The following ACYP2 variants were observed in gnomAD, a reference collection of about 807,000 sequenced individuals.
ACYP2 encodes acylphosphatase-2.
Under a neutral mutation model 11.2 loss-of-function variants are expected in ACYP2, and 12 were observed. That is an observed-to-expected ratio of 1.08 (90% CI 0.69 to 1.74). ACYP2 has a LOEUF of 1.74. ACYP2 is among the 40% of genes most tolerant of loss of function. The pLI is 0.00. For synonymous variants in ACYP2, 43 were observed against 32.2 expected, an observed-to-expected ratio of 1.33 and a Z score of -1.13; for missense variants, 134 against 101.9, an observed-to-expected ratio of 1.31 and a Z score of -1.35.
At chr2:54,190,932 C>G (rs2103886600) in intron 6 of ACYP2, among the ~76,000 whole-genome samples, 1 of 152,286 alleles carries the variant, frequency 6.6e-6, no homozygotes, top group Non-Finnish European at 1.5e-5. Flanking sequence ...TATAGTTGCT[C>G]AAGTCACAAG....
rs1444525421 is a variant in ACYP2 at position 54,129,334 on chromosome 2, T to C, written c.278-6119T>C. On this transcript the variant is annotated intron_variant, in intron 4 of 6. Coordinates refer to ENST00000607452, the MANE Select transcript of ACYP2 (RefSeq NM_001320586.2). ...TTCTTTCAGAAATGAAGTCTTGCTTTGTTGCCCAGGCTGATCTCGAACTCC... is the reference window on the plus strand; with the variant it reads ...TTCTTTCAGAAATGAAGTCTTGCTTCGTTGCCCAGGCTGATCTCGAACTCC... 2.0e-5 allele frequency among the ~76,000 whole-genome samples: 3 copies of C among 152,174 alleles called. No individual in the cohort carries two copies. The East Asian group carries it at 5.8e-4, about 29-fold the overall frequency.
chr2:54,119,480 T>C (rs899388595), intron 4 of ACYP2, among the ~76,000 whole-genome samples: 1 of 152,234 alleles, frequency 6.6e-6, no homozygotes, highest in Non-Finnish European at 1.5e-5. Flanking sequence ...GAAGAACCTA[T>C]AATTGGGAAC....
At chr2:54,205,730 A>T (rs1479203056) in intron 6 of ACYP2, among the ~76,000 whole-genome samples, 1 of 151,520 alleles carries the variant, frequency 6.6e-6, no homozygotes, top group Non-Finnish European at 1.5e-5. Context: ...TTTCTGAAAT[A>T]CTCCTCCCCT....
intron 5 of ACYP2, among the ~76,000 whole-genome samples, chr2:54,136,224 A>G (rs905014532): frequency 1.3e-5 from 2 of 152,222 alleles, no homozygotes; most frequent in Admixed American, 1.3e-4. Context: ...AACTTTTAGT[A>G]GAGACAGGGT....
At chr2:54,196,405 T>C (rs893572800) in intron 6 of ACYP2, among the ~76,000 whole-genome samples, 5 of 152,146 alleles carry the variant, frequency 3.3e-5, no homozygotes, top group African/African-American at 9.7e-5. Context: ...TTGTCCTTTT[T>C]CCCAAATGAG....
At chr2:54,148,248 C>T (rs1390924806) in intron 6 of ACYP2, among the ~76,000 whole-genome samples, 1 of 151,422 alleles carries the variant, frequency 6.6e-6, no homozygotes, top group African/African-American at 2.4e-5. Flanking sequence ...TTTTTTGATG[C>T]CCTGAAAAAA....
chr2:54,131,125 T>C (rs1359163397), intron 4 of ACYP2, among the ~76,000 whole-genome samples: 1 of 152,236 alleles, frequency 6.6e-6, no homozygotes, highest in Non-Finnish European at 1.5e-5. Context: ...AATTAGACAA[T>C]TGAAAAATGT....
intron 4 of ACYP2, among the ~76,000 whole-genome samples, chr2:54,066,942 G>T (rs988540216): frequency 2.6e-5 from 4 of 152,162 alleles, no homozygotes; most frequent in Admixed American, 2.6e-4. Flanking sequence ...TGGAGCTAGA[G>T]TCAACAGATG....
chr2:54,092,959 T>C (rs967405694), intron 4 of ACYP2, among the ~76,000 whole-genome samples: 5 of 152,186 alleles, frequency 3.3e-5, no homozygotes, highest in Admixed American at 1.3e-4. Flanking sequence ...CAACGACCCA[T>C]TGATGGTGGG....
At chr2:54,221,167 C>G (rs1685784841) in intron 6 of ACYP2, among the ~76,000 whole-genome samples, 1 of 152,088 alleles carries the variant, frequency 6.6e-6, no homozygotes, top group Non-Finnish European at 1.5e-5. Flanking sequence ...GAACCTGAGC[C>G]CAACCTATAG....
chr2:54,040,040 G>T (rs1006729920), intron 2 of ACYP2, among the ~76,000 whole-genome samples: 2 of 152,108 alleles, frequency 1.3e-5, no homozygotes, highest in African/African-American at 2.4e-5. Context: ...GTGTTGAGAA[G>T]AATCTCAACA....
At chr2:54,188,916 G>A (rs1015830415) in intron 6 of ACYP2, among the ~76,000 whole-genome samples, 3 of 151,980 alleles carry the variant, frequency 2.0e-5, no homozygotes, top group Non-Finnish European at 4.4e-5. Flanking sequence ...CAGCCCCTCC[G>A]CTCGTACTCT....
At chr2:54,075,709 A>C (rs1359134096) in intron 4 of ACYP2, among the ~76,000 whole-genome samples, 2 of 152,022 alleles carry the variant, frequency 1.3e-5, no homozygotes, top group Non-Finnish European at 2.9e-5. Flanking sequence ...GCTACTCAGA[A>C]GGCTGAGACA....
chr2:54,024,977 C>A (rs1219920929), intron 2 of ACYP2, among the ~76,000 whole-genome samples: 1 of 152,060 alleles, frequency 6.6e-6, no homozygotes, highest in Non-Finnish European at 1.5e-5. Flanking sequence ...AATAATTCAA[C>A]CCATTTTACA....
chr2:54,157,444 T>G (rs952938419), intron 6 of ACYP2, among the ~76,000 whole-genome samples: 4 of 152,224 alleles, frequency 2.6e-5, no homozygotes, highest in Non-Finnish European at 5.9e-5. Context: ...TATAATTTAT[T>G]TAATCATTCA....
intron 6 of ACYP2, among the ~76,000 whole-genome samples, chr2:54,250,477 T>TG (rs149150140): frequency 0.24 from 20,087 of 83,678 alleles, 1,312 homozygotes; most frequent in South Asian, 0.3. Context: ...GTGGGTGGGG[T>TG]GGGGGGGGCG....
chr2:54,227,718 A>C (rs1490721046), intron 6 of ACYP2, among the ~76,000 whole-genome samples: 1 of 152,130 alleles, frequency 6.6e-6, no homozygotes, highest in Non-Finnish European at 1.5e-5. Flanking sequence ...AAATTATCAG[A>C]GTGGTAATAC....
intron 4 of ACYP2, among the ~76,000 whole-genome samples, chr2:54,117,655 A>G (rs1313720140): frequency 1.3e-5 from 2 of 152,184 alleles, no homozygotes; most frequent in African/African-American, 2.4e-5. Flanking sequence ...GAAGAGTTGA[A>G]TTATCCTTGT....
chr2:54,001,336 A>G (rs1672786339), intron 2 of ACYP2, among the ~76,000 whole-genome samples: 1 of 152,078 alleles, frequency 6.6e-6, no homozygotes, highest in Admixed American at 6.6e-5. Flanking sequence ...TAGCCGCTGC[A>G]CCCCAGCCTG....
Sources: allele counts gnomAD v4.1 joint callset (sites outside exome capture counted in the v4.1 genomes callset), GRCh38; gene constraint gnomAD v4.1.1; transcripts MANE v1.5; gene names NCBI Gene and HGNC (gene_info 2026-07-23, HGNC 2026-07-21).